Variants in GPM6B observed in about 807,000 individuals in gnomAD.
The protein encoded by GPM6B is glycoprotein M6B, also known as neuronal membrane glycoprotein M6-b.
GPM6B carries 4 observed loss-of-function variants against 27.2 expected under a neutral mutation model. The observed-to-expected ratio is 0.15, with a 90% CI of 0.07 to 0.34. The LOEUF (loss-of-function observed/expected upper bound fraction) is 0.34, where lower values mean the gene tolerates loss of function less well. Among genes scored for constraint, GPM6B ranks in the 10% least tolerant of loss-of-function variants. The pLI, the probability that GPM6B is intolerant of heterozygous loss-of-function variation, is 1.00. For synonymous variants in GPM6B, 124 were observed against 103.1 expected, an observed-to-expected ratio of 1.20 and a Z score of -1.23; for missense variants, 183 against 261.9, an observed-to-expected ratio of 0.70 and a Z score of 2.08.
chrX:13,886,941 C>T (rs1221219951), intron 1 of GPM6B, among the ~76,000 whole-genome samples: 1 of 109,989 alleles, frequency 9.1e-6, no homozygotes, highest in African/African-American at 3.3e-5. Flanking sequence ...CTCAGCCTCC[C>T]GAGTAGCTGG....
At chrX:13,936,726 A>G (rs1034287142) in intron 1 of GPM6B, among the ~76,000 whole-genome samples, 3 of 112,164 alleles carry the variant, frequency 2.7e-5, no homozygotes, top group Non-Finnish European at 5.6e-5. Flanking sequence ...GGAGCCAACA[A>G]TTGTCCAAAA....
intron 2 of GPM6B, among the ~76,000 whole-genome samples, chrX:13,790,614 A>G (rs2048695949): frequency 1.8e-5 from 2 of 111,731 alleles, no homozygotes; most frequent in Non-Finnish European, 3.8e-5. Context: ...TTTTTCTCTA[A>G]GACGTGGCCC....
intron 5 of GPM6B, among the ~76,000 whole-genome samples, chrX:13,778,169 C>T (rs1358136099): frequency 4.6e-5 from 5 of 109,309 alleles, no homozygotes; most frequent in Admixed American, 9.7e-5. Flanking sequence ...CTGCCTCAGC[C>T]TCCCAACTAG....
intron 1 of GPM6B, among the ~76,000 whole-genome samples, chrX:13,875,822 A>G (rs983143998): frequency 3.6e-5 from 4 of 112,123 alleles, no homozygotes; most frequent in African/African-American, 1.3e-4. Context: ...CAGGATAAGC[A>G]AATCCATAGA....
chrX:13,791,104 C>T (rs1347381910), intron 2 of GPM6B, among the ~76,000 whole-genome samples: 1 of 111,964 alleles, frequency 8.9e-6, no homozygotes, highest in African/African-American at 3.2e-5. Context: ...AGCTTCAAAC[C>T]AGCAATGACA....
chrX:13,857,802 A>AACAAGAT (rs1382047385), intron 1 of GPM6B, among the ~76,000 whole-genome samples: 2 of 112,935 alleles, frequency 1.8e-5, no homozygotes, highest in Non-Finnish European at 3.7e-5. Flanking sequence ...GCTAGGGTAC[A>AACAAGAT]ACAAGATACA....
Position 13,772,180 on chromosome X carries a change from A to G in GPM6B, c.*701T>C, listed in dbSNP as rs2048312811. On this transcript the variant is annotated 3_prime_UTR_variant, in exon 8 of 8. Transcript: ENST00000316715. The stretch of plus-strand genomic sequence containing the variant: ...TGGATCAGTATTTTGTTAAAATGAA[A>G]TCTGTTATAAAATTGCTTCTGGAAA... 8.9e-6 allele frequency: 1 copy of G among 112,604 alleles called. No homozygotes were observed. The highest frequency in any genetic ancestry group is 1.9e-5 in the Non-Finnish European group (1 of 53,237). 9.3% of individuals were successfully genotyped at this position (112,604 alleles called of 1,213,427 possible).
At chrX:13,844,339 T>C (rs920710068) in intron 1 of GPM6B, among the ~76,000 whole-genome samples, 1 of 112,525 alleles carries the variant, frequency 8.9e-6, no homozygotes, top group Non-Finnish European at 1.9e-5. Flanking sequence ...GAAAGAACTC[T>C]AGTTTAGCAC....
At chrX:13,872,924 C>T (rs750650928) in intron 1 of GPM6B, among the ~76,000 whole-genome samples, 2 of 110,955 alleles carry the variant, frequency 1.8e-5, no homozygotes, top group Admixed American at 9.6e-5. Flanking sequence ...CCTTCCATTT[C>T]GCACCCTGGT....
At chrX:13,875,719 A>G (rs1228193857) in intron 1 of GPM6B, among the ~76,000 whole-genome samples, 1 of 112,421 alleles carries the variant, frequency 8.9e-6, no homozygotes, top group Non-Finnish European at 1.9e-5. Context: ...GGCACATGCT[A>G]CGACATGGAT....
intron 2 of GPM6B, among the ~76,000 whole-genome samples, chrX:13,794,720 C>A (rs954908420): frequency 9.0e-6 from 1 of 111,534 alleles, no homozygotes; most frequent in Non-Finnish European, 1.9e-5. Flanking sequence ...TCCAAATGTC[C>A]TCGATGCAAT....
chrX:13,885,692 G>A (rs1025199334), intron 1 of GPM6B, among the ~76,000 whole-genome samples: 1 of 109,929 alleles, frequency 9.1e-6, no homozygotes, highest in Non-Finnish European at 1.9e-5. Context: ...CCCCGTCCCC[G>A]CCCCACCAAG....
chrX:13,936,824 A>G (rs1356140525), intron 1 of GPM6B, among the ~76,000 whole-genome samples: 1 of 112,537 alleles, frequency 8.9e-6, no homozygotes, highest in Non-Finnish European at 1.9e-5. Flanking sequence ...TTAAAAATGA[A>G]GCCCACCCTA....
chrX:13,919,380 G>A (rs948578336), intron 1 of GPM6B, among the ~76,000 whole-genome samples: 1 of 111,980 alleles, frequency 8.9e-6, no homozygotes, highest in East Asian at 2.8e-4. Context: ...GTTCATGAAT[G>A]TTTAACAGTT....
At chrX:13,881,482 G>A (rs991852167) in intron 1 of GPM6B, among the ~76,000 whole-genome samples, 4 of 107,218 alleles carry the variant, frequency 3.7e-5, no homozygotes, top group Admixed American at 1.0e-4. Flanking sequence ...ACTGCACCCC[G>A]GCCTGGGTGA....
rs189866708 is a variant in GPM6B, at chrX:13,781,746, A to G, written c.525+1619T>C. Among the ~76,000 whole-genome samples, 59 of 112,048 alleles carry G rather than the reference A, an allele frequency of 5.3e-4. 1 individual carries two copies. In the East Asian group the frequency reaches 8.7e-3, roughly 17 times the overall value. Reference sequence around the variant, plus strand: ...ACCAATGTACATCTTACATTCATTGATAAATGTCTCACGTCTCCCTAAAAT... The same window carrying G: ...ACCAATGTACATCTTACATTCATTGGTAAATGTCTCACGTCTCCCTAAAAT... On this transcript the variant is annotated intron_variant, in intron 4 of 7. Transcript: ENST00000316715.
intron 1 of GPM6B, among the ~76,000 whole-genome samples, chrX:13,893,730 C>T (rs756664437): frequency 3.5e-4 from 39 of 112,321 alleles, no homozygotes; most frequent in Non-Finnish European, 6.6e-4. Flanking sequence ...CCTACTAGCT[C>T]GTATCTTTAC....
At chrX:13,812,579 G>A (rs1424717140) in intron 1 of GPM6B, among the ~76,000 whole-genome samples, 1 of 111,592 alleles carries the variant, frequency 9.0e-6, no homozygotes. Flanking sequence ...CAGTCACAGA[G>A]AGGGGAAGTT....
chrX:13,905,665 T>C (rs139462898), intron 1 of GPM6B, among the ~76,000 whole-genome samples: 2,644 of 111,684 alleles, frequency 0.024, 84 homozygotes, highest in East Asian at 0.21. Flanking sequence ...TGGGTAATTC[T>C]GATTTTTTAG....
Sources: allele counts gnomAD v4.1 joint callset (sites outside exome capture counted in the v4.1 genomes callset), GRCh38; gene constraint gnomAD v4.1.1; transcripts MANE v1.5; gene names NCBI Gene and HGNC (gene_info 2026-07-23, HGNC 2026-07-21).